CAMSAP2: variants seen among roughly 807,000 people sequenced by gnomAD.
The protein encoded by CAMSAP2 is calmodulin regulated spectrin associated protein family member 2, also known as calmodulin-regulated spectrin-associated protein 2.
In CAMSAP2, 26 loss-of-function variants were observed where a neutral mutation model predicts 146.1. That is an observed-to-expected ratio of 0.18 (90% CI 0.13 to 0.25). The LOEUF (loss-of-function observed/expected upper bound fraction) is 0.25. CAMSAP2 is among the 10% of genes least tolerant of loss of function. The pLI is 1.00. For missense variants in CAMSAP2, 1,381 were observed against 1,759.3 expected, an observed-to-expected ratio of 0.78 and a Z score of 3.85; for synonymous variants, 499 against 596.6, an observed-to-expected ratio of 0.84 and a Z score of 2.38.
intron 3 of CAMSAP2, among the ~76,000 whole-genome samples, chr1:200,813,307 C>G (rs1398674963): frequency 2.0e-5 from 3 of 152,236 alleles, no homozygotes; most frequent in African/African-American, 7.2e-5. Context: ...AAGGCTACAC[C>G]TCTTAATATT....
At chr1:200,852,825 C>A in intron 12 of CAMSAP2, 148 bp downstream of exon 12, 1 of 756,834 alleles carries the variant, frequency 1.3e-6, no homozygotes. Flanking sequence ...TATAGATAGA[C>A]AGCTGGATCA....
At chr1:200,788,816 ATT>A (rs35901761) in intron 2 of CAMSAP2, among the ~76,000 whole-genome samples, 141 of 138,284 alleles carry the variant, frequency 1.0e-3, no homozygotes, top group African/African-American at 1.5e-3. Context: ...TGACTTTTGT[ATT>A]TTTTTTTTTT....
chr1:200,834,223 C>T (rs1462478421), intron 6 of CAMSAP2, among the ~76,000 whole-genome samples: 3 of 151,968 alleles, frequency 2.0e-5, no homozygotes, highest in African/African-American at 7.3e-5. Context: ...ACTAGCCAGG[C>T]GTAGTGGCAC....
intron 2 of CAMSAP2, among the ~76,000 whole-genome samples, chr1:200,803,614 GA>G (rs1666092684): frequency 2.7e-5 from 2 of 73,400 alleles, no homozygotes; most frequent in Non-Finnish European, 7.9e-5. Flanking sequence ...GTAAAGTTAA[GA>G]AGTAAAAAAA....
At chr1:200,820,349 C>T (rs560795874) in intron 4 of CAMSAP2, among the ~76,000 whole-genome samples, 85 of 152,114 alleles carry the variant, frequency 5.6e-4, no homozygotes, top group Admixed American at 1.6e-3. Flanking sequence ...AGACACCACC[C>T]CAGCCAATGT....
chr1:200,782,800 T>G (rs918657940), intron 2 of CAMSAP2, among the ~76,000 whole-genome samples: 4 of 142,460 alleles, frequency 2.8e-5, no homozygotes, highest in African/African-American at 2.6e-5. Flanking sequence ...TTTTTTTTTT[T>G]TTTTTTTTGA....
chr1:200,821,426 G>A (rs879634268), intron 4 of CAMSAP2, among the ~76,000 whole-genome samples: 21 of 152,206 alleles, frequency 1.4e-4, no homozygotes, highest in Non-Finnish European at 2.5e-4. Flanking sequence ...CAAGCAGTCC[G>A]CCTGCCTTGA....
chr1:200,809,227 A>C (rs1231231682), intron 3 of CAMSAP2, among the ~76,000 whole-genome samples: 2 of 152,144 alleles, frequency 1.3e-5, no homozygotes, highest in African/African-American at 4.8e-5. Context: ...TTCCCTTTAT[A>C]CTAGCAAATC....
chr1:200,809,687 C>T lies in CAMSAP2; in HGVS notation c.561+2150C>T, dbSNP rs556204082. ...CGGAGGTTGCAGTGAGCCGAGATCG[C>T]GCCAGTGCACTCCGGCCTGGGTGAC... On this transcript the variant is annotated intron_variant, in intron 3 of 16. Coordinates refer to ENST00000358823, the MANE Select transcript of CAMSAP2 (RefSeq NM_203459.4). Among the ~76,000 whole-genome samples the T allele has an allele frequency of 9.4e-3, 1,425 of 152,232 alleles. 15 individuals carry two copies. The highest frequency in any genetic ancestry group is 0.017 in the Middle Eastern group (5 of 294).
At chr1:200,811,394 A>G (rs1337616986) in intron 3 of CAMSAP2, among the ~76,000 whole-genome samples, 1 of 152,104 alleles carries the variant, frequency 6.6e-6, no homozygotes, top group Non-Finnish European at 1.5e-5. Context: ...ATTCCTCCTC[A>G]GTATCCAGCT....
At chr1:200,856,777 A>G (rs959715941) in intron 15 of CAMSAP2, among the ~76,000 whole-genome samples, 8 of 152,120 alleles carry the variant, frequency 5.3e-5, no homozygotes, top group African/African-American at 1.9e-4. Flanking sequence ...TGGAAACCCT[A>G]GAAAGGCCTA....
At chr1:200,841,324 G>T (rs928038109) in intron 6 of CAMSAP2, among the ~76,000 whole-genome samples, 18 of 152,268 alleles carry the variant, frequency 1.2e-4, no homozygotes, top group African/African-American at 4.3e-4. Flanking sequence ...TTGGCTCACT[G>T]CAACCTCTGT....
At chr1:200,774,868 A>C (rs1231189788) in intron 2 of CAMSAP2, among the ~76,000 whole-genome samples, 1 of 152,234 alleles carries the variant, frequency 6.6e-6, no homozygotes, top group Non-Finnish European at 1.5e-5. Flanking sequence ...GTAGAGTCAC[A>C]TTTATTTACC....
rs1235285861 is a variant in CAMSAP2, at chr1:200,847,289, T to C, written c.1189T>C (p.Ser397Pro). 6.2e-7 allele frequency: 1 copy of C among 1,603,964 alleles called. No individual in the cohort carries two copies. Among genetic ancestry groups the C allele is most frequent in the South Asian group, 1.1e-5 (1 of 90,200 alleles). The part of the protein sequence containing the change: ...YSRPQAHSSA[S>P]GGIRRSSSMS... ...ACGTCCCCAGGCTCATTCTTCAGCC[T>C]CAGGTAATATATTTGAAAAAGCCTA... Residue 397 changes from serine (S) to proline (P), a missense_variant, in exon 9 of 17, where the codon TCA becomes CCA. This residue lies in a region of CAMSAP2 where 447 missense variants were observed against 462.2 expected (regional missense o/e 0.97). Transcript: ENST00000358823.
At position 200,848,889 on chromosome 1, in the gene CAMSAP2, G is replaced by A. The variant is rs1667536573; in HGVS notation, c.2120G>A (p.Ser707Asn). 6.2e-7 allele frequency: 1 copy of A among 1,614,148 alleles called. No homozygotes were observed. The highest frequency in any genetic ancestry group is 1.1e-5 in the South Asian group (1 of 91,086). The part of the protein sequence containing the change: ...LNHTDGKSSG[S>N]SSQKTTPEGS... ...CATACCGATGGAAAAAGTAGTGGAAGCAGTTCTCAAAAAACTACACCAGAA... is the reference window on the plus strand; with the variant it reads ...CATACCGATGGAAAAAGTAGTGGAAACAGTTCTCAAAAAACTACACCAGAA... Residue 707 changes from serine to asparagine, a missense_variant, in exon 11 of 17, where the codon AGC becomes AAC. Physicochemically the swap from Ser to Asn is conservative, Grantham distance 46 (BLOSUM62 1). This residue lies in a region of CAMSAP2 where 447 missense variants were observed against 462.2 expected (regional missense o/e 0.97). Transcript: ENST00000358823.
intron 1 of CAMSAP2, among the ~76,000 whole-genome samples, chr1:200,756,096 A>T (rs6427854): frequency 0.29 from 44,060 of 152,054 alleles, 7,260 homozygotes; most frequent in Non-Finnish European, 0.39. Flanking sequence ...TAGGCAGTAC[A>T]TTTGTGGAAT....
At chr1:200,803,116 C>T (rs963219874) in intron 2 of CAMSAP2, among the ~76,000 whole-genome samples, 2 of 152,278 alleles carry the variant, frequency 1.3e-5, no homozygotes, top group African/African-American at 2.4e-5. Flanking sequence ...CTGTTGCTGC[C>T]GCAGTTGCCT....
chr1:200,770,711 G>A (rs964371916), intron 2 of CAMSAP2, among the ~76,000 whole-genome samples: 1 of 152,092 alleles, frequency 6.6e-6, no homozygotes, highest in Non-Finnish European at 1.5e-5. Flanking sequence ...ACCGCACCTG[G>A]CCTACTATTT....
At chr1:200,756,551 A>C (rs115044842) in intron 1 of CAMSAP2, among the ~76,000 whole-genome samples, 1 of 152,150 alleles carries the variant, frequency 6.6e-6, no homozygotes, top group Non-Finnish European at 1.5e-5. Flanking sequence ...TCAAAGCCCA[A>C]ATTTTTCCAA....
Sources: allele counts gnomAD v4.1 joint callset (sites outside exome capture counted in the v4.1 genomes callset), GRCh38; gene constraint gnomAD v4.1.1; regional missense constraint gnomAD v4.1.1; transcripts MANE v1.5; gene names NCBI Gene and HGNC (gene_info 2026-07-23, HGNC 2026-07-21).